NTRK3: variants seen among roughly 807,000 people sequenced by gnomAD.
NTRK3 encodes NT-3 growth factor receptor.
Under a neutral mutation model 91.7 loss-of-function variants are expected in NTRK3, and 24 were observed. That is an observed-to-expected ratio of 0.26 (90% CI 0.19 to 0.37). NTRK3 has a LOEUF of 0.37. Ranked by LOEUF, NTRK3 falls within the 10% of genes least tolerant of loss-of-function variation. The pLI, the probability that NTRK3 is intolerant of heterozygous loss-of-function variation, is 1.00. For synonymous variants in NTRK3, 483 were observed against 404.0 expected, an observed-to-expected ratio of 1.20 and a Z score of -2.34; for missense variants, 880 against 1,068.9, an observed-to-expected ratio of 0.82 and a Z score of 2.46.
intron 3 of NTRK3, among the ~76,000 whole-genome samples, chr15:88,210,602 C>G (rs2049156431): frequency 6.6e-6 from 1 of 152,224 alleles, no homozygotes; most frequent in Non-Finnish European, 1.5e-5. Flanking sequence ...GCTGCTGGGT[C>G]TTCCCCAAGG....
intron 13 of NTRK3, among the ~76,000 whole-genome samples, chr15:88,115,736 G>A (rs1343918555): frequency 6.6e-6 from 1 of 152,102 alleles, no homozygotes; most frequent in Admixed American, 6.5e-5. Flanking sequence ...CAGGCTTTCA[G>A]TGTGAATACC....
rs529695840 is a variant in NTRK3, at chr15:87,979,311, G to T, written c.1586-38558C>A. 5.5e-6 allele frequency: 8 copies of T among 1,445,400 alleles called. No homozygotes were observed. In the African/African-American group the frequency reaches 7.0e-5, roughly 13 times the overall value. 89.5% of individuals were successfully genotyped at this position (1,445,400 alleles called of 1,614,324 possible). On this transcript the variant is annotated intron_variant, in intron 14 of 18. Transcript: ENST00000394480. ...CTCTCAGAGGGCCCAGCCTACCAAG[G>T]TGACATCAAAACAAGGAGGCTTAAA...
intron 10 of NTRK3, among the ~76,000 whole-genome samples, chr15:88,130,747 G>A (rs1366376530): frequency 1.3e-5 from 2 of 152,176 alleles, no homozygotes; most frequent in Non-Finnish European, 2.9e-5. Context: ...AAAGACTAGG[G>A]AACTGTCCCA....
intron 3 of NTRK3, chr15:88,205,978 A>C (rs1321506342): frequency 6.6e-6 from 1 of 152,256 alleles, no homozygotes; most frequent in Non-Finnish European, 1.5e-5. Flanking sequence ...ATCTTCCGGG[A>C]TCTGCTCAGC....
chr15:87,983,089 TGC>T (rs1328522448), intron 14 of NTRK3, among the ~76,000 whole-genome samples: 34 of 152,376 alleles, frequency 2.2e-4, no homozygotes, highest in South Asian at 1.7e-3. Context: ...CAATACCAAA[TGC>T]AGTTCTATAG....
At chr15:88,137,496 T>A in exon 7 of NTRK3, 2 of 1,614,208 alleles carry the variant, frequency 1.2e-6, no homozygotes, top group Non-Finnish European at 1.7e-6. Flanking sequence ...GGCCTCCCCC[T>A]GCTCCTGCCA....
intron 14 of NTRK3, among the ~76,000 whole-genome samples, chr15:88,015,133 T>C (rs1362343195): frequency 6.6e-6 from 1 of 152,190 alleles, no homozygotes; most frequent in African/African-American, 2.4e-5. Flanking sequence ...TGTCCCTAAA[T>C]TCAGAGAGAA....
In NTRK3 at chr15:88,106,629, A is replaced by G. The variant is rs187999540; in HGVS notation, c.1396+19642T>C. On this transcript the variant is annotated intron_variant, in intron 13 of 18. Transcript: ENST00000394480. ...CAAGACCATTTTCACTTAAGTGTACATTTAAAATATGTATGAGAATGGGCC... is the reference window on the plus strand; with the variant it reads ...CAAGACCATTTTCACTTAAGTGTACGTTTAAAATATGTATGAGAATGGGCC... Among the ~76,000 whole-genome samples, 6 of 152,314 alleles carry G rather than the reference A, an allele frequency of 3.9e-5. No homozygotes were observed. The East Asian group carries it at 9.7e-4, about 25-fold the overall frequency.
At chr15:88,210,123 A>G (rs1029852928) in intron 3 of NTRK3, 2 of 152,170 alleles carry the variant, frequency 1.3e-5, no homozygotes, top group Admixed American at 6.5e-5. Context: ...TCTGTGTGCA[A>G]TGATGTACAA....
chr15:88,007,824 C>A (rs1236115576), intron 14 of NTRK3, among the ~76,000 whole-genome samples: 1 of 152,152 alleles, frequency 6.6e-6, no homozygotes, highest in Non-Finnish European at 1.5e-5. Flanking sequence ...TCTCTCTATG[C>A]CTCAGTAATC....
intron 14 of NTRK3, among the ~76,000 whole-genome samples, chr15:87,969,329 G>C (rs547349331): frequency 6.6e-6 from 1 of 152,156 alleles, no homozygotes; most frequent in African/African-American, 2.4e-5. Context: ...AGGGAAAGAG[G>C]TAACTCCTGC....
chr15:88,172,633 GA>G (rs1435445783), intron 5 of NTRK3, among the ~76,000 whole-genome samples: 1 of 152,252 alleles, frequency 6.6e-6, no homozygotes. Context: ...TCTCCAAGAA[GA>G]GGTTAGGGTT....
chr15:88,224,992 T>C (rs1212881436), intron 3 of NTRK3, among the ~76,000 whole-genome samples: 3 of 152,192 alleles, frequency 2.0e-5, no homozygotes, highest in Non-Finnish European at 1.5e-5. Context: ...CCTTTTTATT[T>C]TCCTATAATG....
At chr15:88,085,844 T>C (rs1468926244) in intron 13 of NTRK3, among the ~76,000 whole-genome samples, 1 of 152,168 alleles carries the variant, frequency 6.6e-6, no homozygotes, top group Non-Finnish European at 1.5e-5. Flanking sequence ...AAACATCTAT[T>C]AAATGCTGGC....
At chr15:88,079,980 C>T (rs1345087519) in intron 13 of NTRK3, among the ~76,000 whole-genome samples, 3 of 152,080 alleles carry the variant, frequency 2.0e-5, no homozygotes, top group African/African-American at 4.8e-5. Context: ...TACAATCTGA[C>T]TTTTTCTATG....
intron 17 of NTRK3, among the ~76,000 whole-genome samples, chr15:87,893,535 G>A (rs146104513): frequency 6.6e-6 from 1 of 152,316 alleles, no homozygotes; most frequent in African/African-American, 2.4e-5. Context: ...TTCCTGAAAA[G>A]AGAATTGTCT....
At chr15:87,953,705 A>G (rs2071377507) in intron 14 of NTRK3, among the ~76,000 whole-genome samples, 1 of 152,146 alleles carries the variant, frequency 6.6e-6, no homozygotes, top group South Asian at 2.1e-4. Flanking sequence ...AGGAGCCCCA[A>G]AAGGAGCCAT....
intron 18 of NTRK3, 39 bp downstream of exon 19, chr15:87,880,230 GC>G: frequency 6.2e-7 from 1 of 1,612,984 alleles, no homozygotes; most frequent in Non-Finnish European, 8.5e-7. Flanking sequence ...GCTCTTATGA[GC>G]CCTCCCCCAA....
chr15:88,100,273 C>T (rs910188482), intron 13 of NTRK3, among the ~76,000 whole-genome samples: 3 of 152,166 alleles, frequency 2.0e-5, no homozygotes, highest in Non-Finnish European at 4.4e-5. Context: ...CAAGAGGCTT[C>T]GGTGCTATTA....
Sources: allele counts gnomAD v4.1 joint callset (sites outside exome capture counted in the v4.1 genomes callset), GRCh38; gene constraint gnomAD v4.1.1; transcripts MANE v1.5; gene names NCBI Gene and HGNC (gene_info 2026-07-23, HGNC 2026-07-21).